RCOR1: variants seen among roughly 807,000 people sequenced by gnomAD.
RCOR1 encodes REST corepressor 1.
A neutral mutation model predicts 64.0 loss-of-function variants in RCOR1; 12 were observed. The observed-to-expected ratio is 0.19, with a 90% CI of 0.12 to 0.30. The LOEUF (loss-of-function observed/expected upper bound fraction) is 0.30, where lower values mean the gene tolerates loss of function less well. Ranked by LOEUF, RCOR1 falls within the 10% of genes least tolerant of loss-of-function variation. The probability of loss-of-function intolerance (pLI) is 1.00; values close to 1 mark genes in which losing one functional copy is unlikely to be tolerated. For synonymous variants in RCOR1, 279 were observed against 227.2 expected, an observed-to-expected ratio of 1.23 and a Z score of -2.05; for missense variants, 502 against 621.2, an observed-to-expected ratio of 0.81 and a Z score of 2.04.
At chr14:102,627,026 A>G (rs1054057307) in intron 2 of RCOR1, among the ~76,000 whole-genome samples, 38 of 152,144 alleles carry the variant, frequency 2.5e-4, no homozygotes, top group Admixed American at 4.6e-4. Flanking sequence ...TCCTATTCCA[A>G]TTACTCTTCT....
chr14:102,647,596 G>A (rs184566445), intron 2 of RCOR1, among the ~76,000 whole-genome samples: 211 of 152,318 alleles, frequency 1.4e-3, no homozygotes, highest in Non-Finnish European at 2.1e-3. Context: ...TGGGATTACA[G>A]GCGTGAGCCA....
Position 102,688,781 on chromosome 14 carries a change from C to T in RCOR1, c.445+6803C>T, listed in dbSNP as rs149186772. Among the ~76,000 whole-genome samples the T allele has an allele frequency of 1.3e-4, 20 of 152,300 alleles. No individual in the cohort carries two copies. The East Asian group carries it at 2.3e-3, about 18-fold the overall frequency. ...TCTGTTGAACCCCTATGAGGCACTC[C>T]GTTGCTGTGATACGGTATCATCTCT... On this transcript the variant is annotated intron_variant, in intron 3 of 11. Coordinates refer to ENST00000262241, the MANE Select transcript of RCOR1 (RefSeq NM_015156.4).
At chr14:102,623,275 T>G (rs1254388004) in intron 2 of RCOR1, among the ~76,000 whole-genome samples, 1 of 152,102 alleles carries the variant, frequency 6.6e-6, no homozygotes, top group African/African-American at 2.4e-5. Flanking sequence ...TGATTTAGTA[T>G]TTATTGTTAT....
intron 2 of RCOR1, among the ~76,000 whole-genome samples, chr14:102,610,021 T>C (rs1395019934): frequency 2.0e-5 from 3 of 151,846 alleles, no homozygotes; most frequent in African/African-American, 7.2e-5. Context: ...TTCCAGCTAC[T>C]CGGGAGGCTG....
chr14:102,627,960 G>GGTGTGTGTGTGTGTGTGT (rs3069199), intron 2 of RCOR1, among the ~76,000 whole-genome samples: 9 of 148,972 alleles, frequency 6.0e-5, no homozygotes, highest in African/African-American at 2.2e-4. Flanking sequence ...ATTTAAAAGG[G>GGTGTGTGTGTGTGTGTGT]GTGTGTGTGT....
chr14:102,597,019 C>T lies in RCOR1; in HGVS notation c.361+3694C>T, dbSNP rs578017000. Among the ~76,000 whole-genome samples, 21 of 151,790 alleles carry T rather than the reference C, an allele frequency of 1.4e-4. No individual in the cohort carries two copies. In the South Asian group the frequency reaches 3.7e-3, roughly 27 times the overall value. ...TCCCAAGTAGTTGGAACTACAGGTG[C>T]GTGCCACCATGCCTGGCTAATTTTT... On this transcript the variant is annotated intron_variant, in intron 2 of 11. Coordinates refer to ENST00000262241, the MANE Select transcript of RCOR1 (RefSeq NM_015156.4).
rs548215867 is a variant in RCOR1, at chr14:102,592,657, T to C, written c.-230T>C. 3.3e-6 allele frequency: 4 copies of C among 1,217,086 alleles called. No individual in the cohort carries two copies. The highest frequency in any genetic ancestry group is 6.5e-5 in the East Asian group (2 of 30,552). The allele number at this position is 1,217,086 out of a possible 1,614,324, so 75.4% of individuals were successfully genotyped here. On this transcript the variant is annotated 5_prime_UTR_variant, in exon 1 of 12. Transcript: ENST00000262241. ...CTGCTCCCGGAGTAGTTGGTGCCAGTGAAGTGAGGGCGGCGATGAGAGCGA... is the reference window on the plus strand; with the variant it reads ...CTGCTCCCGGAGTAGTTGGTGCCAGCGAAGTGAGGGCGGCGATGAGAGCGA...
chr14:102,632,362 C>A (rs1444427878), intron 2 of RCOR1, among the ~76,000 whole-genome samples: 1 of 151,496 alleles, frequency 6.6e-6, no homozygotes, highest in Non-Finnish European at 1.5e-5. Flanking sequence ...GGACTACAGG[C>A]CCCCACCACC....
intron 3 of RCOR1, among the ~76,000 whole-genome samples, chr14:102,686,065 C>T (rs915531497): frequency 1.3e-5 from 2 of 151,882 alleles, no homozygotes; most frequent in Non-Finnish European, 2.9e-5. Context: ...TCACATGTAC[C>T]CTGGAAATAT....
intron 2 of RCOR1, among the ~76,000 whole-genome samples, chr14:102,627,459 C>A (rs531719686): frequency 6.6e-6 from 1 of 152,294 alleles, no homozygotes; most frequent in African/African-American, 2.4e-5. Context: ...GAGATTGAGA[C>A]CAGCCTGGCC....
At chr14:102,719,801 C>T (rs1045631399) in intron 8 of RCOR1, among the ~76,000 whole-genome samples, 1 of 152,208 alleles carries the variant, frequency 6.6e-6, no homozygotes, top group Non-Finnish European at 1.5e-5. Flanking sequence ...TATGAACAAC[C>T]AGCTAGAGTG....
intron 2 of RCOR1, chr14:102,662,701 G>C: frequency 2.3e-6 from 1 of 434,374 alleles, no homozygotes; most frequent in Non-Finnish European, 4.4e-6. Context: ...CTTTGCTTTC[G>C]GTGCCATCTT....
intron 2 of RCOR1, among the ~76,000 whole-genome samples, chr14:102,654,461 G>T (rs1894680970): frequency 6.6e-6 from 1 of 152,132 alleles, no homozygotes; most frequent in South Asian, 2.1e-4. Context: ...AATGGCTGTG[G>T]GTTTCCGATG....
chr14:102,660,753 G>GTT (rs1431291228), intron 2 of RCOR1, among the ~76,000 whole-genome samples: 2 of 152,126 alleles, frequency 1.3e-5, no homozygotes, highest in Non-Finnish European at 2.9e-5. Context: ...ACAGCATCTG[G>GTT]TTTTTGGCTG....
chr14:102,657,050 T>A (rs147746377), intron 2 of RCOR1: 1,060 of 976,454 alleles, frequency 1.1e-3, no homozygotes, highest in Non-Finnish European at 1.2e-3. Flanking sequence ...GCTGGGATTA[T>A]AAGCGTGAAT....
At chr14:102,624,546 G>C (rs573284015) in intron 2 of RCOR1, among the ~76,000 whole-genome samples, 3 of 151,528 alleles carry the variant, frequency 2.0e-5, no homozygotes, top group East Asian at 3.9e-4. Context: ...AAAATAGATC[G>C]CTTGAGCCCA....
rs1285694060 is a variant in RCOR1, at chr14:102,593,206, C to G, written c.301+19C>G. 7.4e-6 allele frequency: 11 copies of G among 1,478,632 alleles called. No homozygotes were observed. The highest frequency in any genetic ancestry group is 3.0e-5 in the African/African-American group (2 of 67,680). The allele number at this position is 1,478,632 out of a possible 1,614,324, so 91.6% of individuals were successfully genotyped here. On this transcript the variant is annotated intron_variant, in intron 1 of 11. Transcript: ENST00000262241. The stretch of plus-strand genomic sequence containing the variant: ...GAGCACGGTAGGTGGCAGCCGCCCC[C>G]GCGGCCCCGGGCCCCGCGCCCCGCG...
At chr14:102,679,337 G>A (rs531490443) in intron 2 of RCOR1, among the ~76,000 whole-genome samples, 101 of 152,208 alleles carry the variant, frequency 6.6e-4, no homozygotes, top group South Asian at 4.1e-4. Flanking sequence ...GTTTTTGCAT[G>A]TGAATATTCA....
At chr14:102,711,253 CT>C (rs1477131341) in intron 7 of RCOR1, among the ~76,000 whole-genome samples, 2 of 152,202 alleles carry the variant, frequency 1.3e-5, no homozygotes, top group African/African-American at 4.8e-5. Context: ...ATGATGTTCC[CT>C]AGAACAGCAG....
Sources: allele counts gnomAD v4.1 joint callset (sites outside exome capture counted in the v4.1 genomes callset), GRCh38; gene constraint gnomAD v4.1.1; transcripts MANE v1.5; gene names NCBI Gene and HGNC (gene_info 2026-07-23, HGNC 2026-07-21).